Variants in CDH18 observed in about 807,000 individuals in gnomAD.
The protein encoded by CDH18 is cadherin-18.
Under a neutral mutation model 67.9 loss-of-function variants are expected in CDH18, and 31 were observed. The observed-to-expected ratio is 0.46, with a 90% CI of 0.34 to 0.62. The LOEUF (loss-of-function observed/expected upper bound fraction) is 0.62. Ranked by LOEUF, CDH18 falls within the 20% of genes least tolerant of loss-of-function variation. The pLI is 0.01. For missense variants in CDH18, 890 were observed against 975.5 expected, an observed-to-expected ratio of 0.91 and a Z score of 1.17; for synonymous variants, 362 against 347.2, an observed-to-expected ratio of 1.04 and a Z score of -0.48.
intron 2 of CDH18, among the ~76,000 whole-genome samples, chr5:19,908,252 G>C (rs1240191067): frequency 6.6e-6 from 1 of 152,022 alleles, no homozygotes; most frequent in Non-Finnish European, 1.5e-5. Context: ...GTACTTTTAT[G>C]TTTCAAAGCA....
intron 1 of CDH18, among the ~76,000 whole-genome samples, chr5:20,565,167 C>A (rs1009220398): frequency 7.2e-5 from 11 of 152,088 alleles, no homozygotes; most frequent in Non-Finnish European, 1.6e-4. Flanking sequence ...ATCCACCATC[C>A]CAGTTAATTA....
intron 5 of CDH18, among the ~76,000 whole-genome samples, chr5:19,692,721 A>G (rs1419208708): frequency 6.6e-6 from 1 of 151,978 alleles, no homozygotes; most frequent in Admixed American, 6.6e-5. Flanking sequence ...ATTAAAATGG[A>G]AAAAAATTAT....
intron 1 of CDH18, among the ~76,000 whole-genome samples, chr5:20,339,861 C>T (rs186556521): frequency 6.6e-6 from 1 of 152,274 alleles, no homozygotes; most frequent in East Asian, 1.9e-4. Context: ...GAATCAAACC[C>T]TGACTGCTGC....
rs571646367 is a variant in CDH18 at position 20,268,823 on chromosome 5, C to G, written c.-579-13318G>C. Among the ~76,000 whole-genome samples, 3 of 152,212 alleles carry G rather than the reference C, an allele frequency of 2.0e-5. No homozygotes were observed. In the South Asian group the frequency reaches 6.2e-4, roughly 32 times the overall value. ...CTCTTCTGGACATTGGCCTAGGTGA[C>G]AAATTTATGACTAAGACTGCATAAG... On this transcript the variant is annotated intron_variant, in intron 1 of 14. Transcript: ENST00000507958.
At chr5:20,211,081 A>T (rs976501004) in intron 2 of CDH18, among the ~76,000 whole-genome samples, 1 of 152,160 alleles carries the variant, frequency 6.6e-6, no homozygotes, top group African/African-American at 2.4e-5. Flanking sequence ...TGTATCAATA[A>T]AGCCAGTGAC....
At chr5:19,987,205 T>C (rs1799651499) in intron 1 of CDH18, among the ~76,000 whole-genome samples, 1 of 151,986 alleles carries the variant, frequency 6.6e-6, no homozygotes, top group South Asian at 2.1e-4. Flanking sequence ...TTCTATTTTT[T>C]CACCTGTTAC....
intron 1 of CDH18, among the ~76,000 whole-genome samples, chr5:20,274,548 T>C (rs1186435139): frequency 1.3e-5 from 2 of 152,274 alleles, no homozygotes; most frequent in East Asian, 3.9e-4. Context: ...ATGGCCTTCA[T>C]AGATGAGTAC....
At chr5:19,900,922 T>C (rs546482962) in intron 2 of CDH18, among the ~76,000 whole-genome samples, 122 of 152,144 alleles carry the variant, frequency 8.0e-4, no homozygotes, top group Non-Finnish European at 1.5e-3. Flanking sequence ...GAATATCATG[T>C]GTCTAAGTGG....
intron 1 of CDH18, among the ~76,000 whole-genome samples, chr5:20,447,017 C>T (rs1175231780): frequency 6.6e-6 from 1 of 152,222 alleles, no homozygotes; most frequent in South Asian, 2.1e-4. Context: ...AGAGATAGCT[C>T]CTTACTGAAA....
At chr5:20,099,423 A>G (rs1347819344) in intron 2 of CDH18, among the ~76,000 whole-genome samples, 2 of 152,214 alleles carry the variant, frequency 1.3e-5, no homozygotes, top group Admixed American at 1.3e-4. Flanking sequence ...CTCAAAATAA[A>G]GATAATGATC....
intron 7 of CDH18, among the ~76,000 whole-genome samples, chr5:19,572,372 C>A (rs148814479): frequency 1.4e-4 from 22 of 152,256 alleles, no homozygotes; most frequent in African/African-American, 4.8e-4. Flanking sequence ...AGAGAATTTT[C>A]ATTTCTATTT....
intron 5 of CDH18, among the ~76,000 whole-genome samples, chr5:19,623,485 A>G (rs1751013183): frequency 6.6e-6 from 1 of 152,170 alleles, no homozygotes; most frequent in Admixed American, 6.5e-5. Context: ...CATGTGGCTT[A>G]TAAAAAATTT....
chr5:19,507,794 T>A lies in CDH18; in HGVS notation c.1513-4685A>T, dbSNP rs146047248. ...GGGCGAGGGATAACATTAGGAGATATATCTAATGTTAAATGACGAGTTAAT... is the reference window on the plus strand; with the variant it reads ...GGGCGAGGGATAACATTAGGAGATAAATCTAATGTTAAATGACGAGTTAAT... On this transcript the variant is annotated intron_variant, in intron 10 of 12. Coordinates refer to ENST00000382275, the MANE Select transcript of CDH18 (RefSeq NM_004934.5). 4.1e-3 allele frequency among the ~76,000 whole-genome samples: 626 copies of A among 152,178 alleles called. 5 individuals are homozygous for A. Among genetic ancestry groups the A allele is most frequent in the African/African-American group, 0.014 (593 of 41,502 alleles).
intron 2 of CDH18, among the ~76,000 whole-genome samples, chr5:20,157,027 G>C (rs1421026188): frequency 1.3e-5 from 2 of 152,132 alleles, no homozygotes; most frequent in Non-Finnish European, 2.9e-5. Flanking sequence ...CCTGAGAACT[G>C]TGATGACTTT....
chr5:19,945,579 T>G (rs183577005), intron 2 of CDH18, among the ~76,000 whole-genome samples: 1 of 152,234 alleles, frequency 6.6e-6, no homozygotes, highest in East Asian at 1.9e-4. Context: ...TTGACAAATA[T>G]CTTAAAACAG....
chr5:20,556,449 G>A (rs548889779), intron 1 of CDH18, among the ~76,000 whole-genome samples: 6 of 152,156 alleles, frequency 3.9e-5, no homozygotes, highest in Non-Finnish European at 5.9e-5. Context: ...ACTCATCCCC[G>A]GCCAAATACT....
intron 3 of CDH18, among the ~76,000 whole-genome samples, chr5:19,776,244 A>T (rs1327292888): frequency 6.6e-6 from 1 of 152,206 alleles, no homozygotes; most frequent in Non-Finnish European, 1.5e-5. Context: ...TTAGGATCTA[A>T]GGAGGACAAA....
chr5:20,199,458 A>ATT (rs1176639322), intron 2 of CDH18, among the ~76,000 whole-genome samples: 2 of 152,122 alleles, frequency 1.3e-5, no homozygotes, highest in Non-Finnish European at 2.9e-5. Context: ...GAATGGGTTT[A>ATT]TTTACACAAT....
intron 6 of CDH18, among the ~76,000 whole-genome samples, chr5:19,593,707 C>CCTCCTCCTCCTCCTCCTTCTTCTTCTT: frequency 1.4e-3 from 46 of 33,324 alleles, no homozygotes; most frequent in African/African-American, 4.3e-3. Flanking sequence ...TCCTCCTCCT[C>CCTCCTCCTCCTCCTCCTTCTTCTTCTT]CTTCTTCTTC....
Sources: gnomAD v4.1 joint callset for allele counts (sites outside exome capture counted in the v4.1 genomes callset) on GRCh38, gnomAD v4.1.1 for gene constraint, MANE v1.5 for transcripts, NCBI Gene and HGNC (gene_info 2026-07-23, HGNC 2026-07-21) for gene names.